Variants in SRBD1 observed in about 807,000 individuals in gnomAD.
SRBD1 encodes S1 RNA-binding domain-containing protein 1.
A neutral mutation model predicts 115.3 loss-of-function variants in SRBD1; 88 were observed. The ratio of observed to expected loss-of-function variants is 0.76; its 90% CI spans 0.64 to 0.91. The LOEUF (loss-of-function observed/expected upper bound fraction) is 0.91. Among genes scored for constraint, SRBD1 ranks in the 40% least tolerant of loss-of-function variants. The probability of loss-of-function intolerance (pLI) is 0.00; values close to 1 mark genes in which losing one functional copy is unlikely to be tolerated. For missense variants in SRBD1, 1,385 were observed against 1,177.4 expected, an observed-to-expected ratio of 1.18 and a Z score of -2.58; for synonymous variants, 509 against 407.7, an observed-to-expected ratio of 1.25 and a Z score of -2.99.
chr2:45,580,160 A>C (rs1673305199), intron 6 of SRBD1, 147 bp from the exon 7 acceptor site: 1 of 630,762 alleles, frequency 1.6e-6, no homozygotes, highest in Non-Finnish European at 2.4e-6. Flanking sequence ...ATTAAAACTA[A>C]TTTGAAAATG....
chr2:45,603,890 G>C (rs188396096), intron 2 of SRBD1, among the ~76,000 whole-genome samples: 33 of 152,132 alleles, frequency 2.2e-4, no homozygotes, highest in Admixed American at 5.2e-4. Flanking sequence ...CTCAAGACTT[G>C]TATATCCACT....
At chr2:45,403,107 T>C (rs979064258) in intron 19 of SRBD1, among the ~76,000 whole-genome samples, 1 of 152,190 alleles carries the variant, frequency 6.6e-6, no homozygotes, top group Non-Finnish European at 1.5e-5. Flanking sequence ...TCTAGACTTT[T>C]AGTCTGCAAA....
intron 1 of SRBD1, among the ~76,000 whole-genome samples, chr2:45,610,843 G>T (rs923508725): frequency 1.3e-5 from 2 of 152,058 alleles, no homozygotes; most frequent in African/African-American, 4.8e-5. Flanking sequence ...CAGGCGAATG[G>T]CGTGAATCCG....
chr2:45,570,494 G>C (rs1672972338), intron 9 of SRBD1, among the ~76,000 whole-genome samples: 1 of 152,202 alleles, frequency 6.6e-6, no homozygotes, highest in African/African-American at 2.4e-5. Flanking sequence ...TAAAGACGTT[G>C]TTAGGAGTGA....
At chr2:45,459,635 ATGAAG>A (rs1323393336) in intron 16 of SRBD1, among the ~76,000 whole-genome samples, 1 of 152,218 alleles carries the variant, frequency 6.6e-6, no homozygotes, top group East Asian at 1.9e-4. Flanking sequence ...TTTTGATTTC[ATGAAG>A]TGAAAACACT....
intron 1 of SRBD1, among the ~76,000 whole-genome samples, chr2:45,610,802 C>A (rs528063491): frequency 6.6e-6 from 1 of 152,176 alleles, no homozygotes; most frequent in South Asian, 2.1e-4. Context: ...ATGACGGGCG[C>A]CTGTAGCCCC....
chr2:45,417,225 T>C (rs1446615237), intron 18 of SRBD1, among the ~76,000 whole-genome samples: 1 of 152,238 alleles, frequency 6.6e-6, no homozygotes, highest in Non-Finnish European at 1.5e-5. Flanking sequence ...TTTTTACTTT[T>C]TTTGACATTT....
chr2:45,609,141 T>C (rs1572837807), intron 1 of SRBD1, among the ~76,000 whole-genome samples: 2 of 152,262 alleles, frequency 1.3e-5, no homozygotes, highest in South Asian at 2.1e-4. Flanking sequence ...GACATATAAT[T>C]GACATGCAAT....
At chr2:45,448,602 C>T (rs911755087) in intron 16 of SRBD1, among the ~76,000 whole-genome samples, 2 of 152,216 alleles carry the variant, frequency 1.3e-5, no homozygotes, top group Admixed American at 6.5e-5. Context: ...TGTGCCCTAA[C>T]GACCTTCAAA....
chr2:45,544,669 T>C (rs1466696772), intron 14 of SRBD1, among the ~76,000 whole-genome samples: 3 of 152,200 alleles, frequency 2.0e-5, no homozygotes, highest in African/African-American at 7.2e-5. Flanking sequence ...ATCATCCCTA[T>C]TGCATCAAGG....
intron 14 of SRBD1, among the ~76,000 whole-genome samples, chr2:45,535,251 A>T (rs554039124): frequency 6.6e-6 from 1 of 152,038 alleles, no homozygotes; most frequent in Non-Finnish European, 1.5e-5. Flanking sequence ...CACTTTGTCC[A>T]TAAGGGTATT....
At chr2:45,472,036 G>T (rs1669664940) in intron 16 of SRBD1, among the ~76,000 whole-genome samples, 1 of 151,882 alleles carries the variant, frequency 6.6e-6, no homozygotes, top group Non-Finnish European at 1.5e-5. Flanking sequence ...AATGTTCACA[G>T]CAGCATTATT....
chr2:45,430,247 C>G (rs1035124688), intron 16 of SRBD1, among the ~76,000 whole-genome samples: 1 of 152,124 alleles, frequency 6.6e-6, no homozygotes, highest in Non-Finnish European at 1.5e-5. Flanking sequence ...GCTATCCCCC[C>G]CATCAAGCTA....
intron 9 of SRBD1, among the ~76,000 whole-genome samples, chr2:45,570,408 T>C (rs1463225817): frequency 6.6e-6 from 1 of 152,114 alleles, no homozygotes; most frequent in Non-Finnish European, 1.5e-5. Context: ...AACAAGGTAA[T>C]AAAGAAAACT....
chr2:45,444,680 T>C (rs1668768701), intron 16 of SRBD1, among the ~76,000 whole-genome samples: 1 of 152,236 alleles, frequency 6.6e-6, no homozygotes. Context: ...ATATGTTAGT[T>C]GGCATCATAA....
In SRBD1 at chr2:45,532,208, T is replaced by C. The variant is rs1671634950; in HGVS notation, c.1874+14524A>G. Among the ~76,000 whole-genome samples the C allele has an allele frequency of 1.3e-5, 2 of 151,784 alleles. 1 individual carries two copies. The highest frequency in any genetic ancestry group is 4.1e-4 in the South Asian group (2 of 4,830). ...CCATCACAACCACCCTCCCCAAGAC[T>C]TAAAACAACTGCTTTAAATTTCTTT... On this transcript the variant is annotated intron_variant, in intron 14 of 20. Coordinates refer to ENST00000263736, the MANE Select transcript of SRBD1 (RefSeq NM_018079.5).
At chr2:45,489,716 T>C (rs1670234918) in intron 14 of SRBD1, among the ~76,000 whole-genome samples, 2 of 152,112 alleles carry the variant, frequency 1.3e-5, no homozygotes, top group Admixed American at 6.6e-5. Context: ...TGGGGATAAG[T>C]AGTATGCCCA....
At chr2:45,605,742 A>T (rs1182123959) in intron 1 of SRBD1, among the ~76,000 whole-genome samples, 1 of 152,052 alleles carries the variant, frequency 6.6e-6, no homozygotes, top group African/African-American at 2.4e-5. Context: ...AGTCTCTACT[A>T]AAAATAGAAA....
In SRBD1 at chr2:45,404,116, G is replaced by T. The variant is rs571579083; in HGVS notation, c.2513+8998C>A. Among the ~76,000 whole-genome samples the T allele has an allele frequency of 8.5e-5, 13 of 152,252 alleles. No individual in the cohort carries two copies. The East Asian group carries it at 1.7e-3, about 20-fold the overall frequency. On this transcript the variant is annotated intron_variant, in intron 19 of 20. Coordinates refer to ENST00000263736, the MANE Select transcript of SRBD1 (RefSeq NM_018079.5). ...AGCATAAAGGTTGTTCAAGGAGAAA[G>T]ATCTCATTTCCAGCTAAGGATATCT...
Sources: gnomAD v4.1 joint callset for allele counts (sites outside exome capture counted in the v4.1 genomes callset) on GRCh38, gnomAD v4.1.1 for gene constraint, MANE v1.5 for transcripts, NCBI Gene and HGNC (gene_info 2026-07-23, HGNC 2026-07-21) for gene names.